The following ABTB3 variants were observed in gnomAD, a reference collection of about 807,000 sequenced individuals.
ABTB3 encodes the protein ankyrin repeat- and BTB/POZ domain-containing protein 3.
the ABTB3 span, among the ~76,000 whole-genome samples, chr12:107,494,681 C>T: frequency 6.6e-6 from 1 of 152,206 alleles, no homozygotes; most frequent in East Asian, 1.9e-4. Flanking sequence ...ATCTCCTCCA[C>T]TGCTCTGGAA....
chr12:107,319,989 C>T, the ABTB3 span: 1 of 1,583,496 alleles, frequency 6.3e-7, no homozygotes, highest in Non-Finnish European at 8.6e-7. Flanking sequence ...ACCGTGGAGA[C>T]CCTGGAGCAC....
chr12:107,535,726 A>G, the ABTB3 span, among the ~76,000 whole-genome samples: 1 of 152,174 alleles, frequency 6.6e-6, no homozygotes, highest in East Asian at 1.9e-4. Context: ...AGATCTCTAC[A>G]ATGAAAACTA....
the ABTB3 span, among the ~76,000 whole-genome samples, chr12:107,616,268 T>A: frequency 6.6e-6 from 1 of 152,126 alleles, no homozygotes; most frequent in Non-Finnish European, 1.5e-5. Flanking sequence ...CACACAGAAG[T>A]CAGGCAACCA....
chr12:107,395,318 C>T, the ABTB3 span, among the ~76,000 whole-genome samples: 8 of 152,180 alleles, frequency 5.3e-5, no homozygotes, highest in South Asian at 2.1e-4. Context: ...TCTGTCCATG[C>T]TGATCTTGGC....
At chr12:107,375,778 A>G in the ABTB3 span, among the ~76,000 whole-genome samples, 1 of 151,962 alleles carries the variant, frequency 6.6e-6, no homozygotes, top group Non-Finnish European at 1.5e-5. Flanking sequence ...CAGCTGGACA[A>G]TTGTTCTTTA....
chr12:107,524,203 T>C, the ABTB3 span, among the ~76,000 whole-genome samples: 1 of 152,184 alleles, frequency 6.6e-6, no homozygotes, highest in East Asian at 1.9e-4. Flanking sequence ...GCGAATGGGT[T>C]TTGTACATTC....
chr12:107,513,851 G>A, the ABTB3 span, among the ~76,000 whole-genome samples: 2 of 152,130 alleles, frequency 1.3e-5, no homozygotes. Flanking sequence ...GTTGGCCCAG[G>A]GTTCTGCCCA....
chr12:107,392,446 C>G, the ABTB3 span, among the ~76,000 whole-genome samples: 1 of 152,192 alleles, frequency 6.6e-6, no homozygotes, highest in African/African-American at 2.4e-5. Context: ...GCCTCTCCCT[C>G]CCTGCCTCTG....
the ABTB3 span, among the ~76,000 whole-genome samples, chr12:107,570,803 G>A: frequency 3.3e-5 from 5 of 152,060 alleles, no homozygotes; most frequent in South Asian, 2.1e-4. Flanking sequence ...CCTCCTACCA[G>A]TCCCTCTCCT....
the ABTB3 span, among the ~76,000 whole-genome samples, chr12:107,409,901 AAAG>A: frequency 2.0e-5 from 3 of 152,242 alleles, no homozygotes; most frequent in African/African-American, 4.8e-5. Context: ...CAAAAAAAGA[AAAG>A]AAAATACAGG....
At chr12:107,454,705 G>C in the ABTB3 span, among the ~76,000 whole-genome samples, 2 of 152,188 alleles carry the variant, frequency 1.3e-5, no homozygotes, top group Non-Finnish European at 2.9e-5. Context: ...GCAGCAGCAG[G>C]AGGTCTCTGC....
At chr12:107,345,098 G>T in the ABTB3 span, among the ~76,000 whole-genome samples, 3 of 152,148 alleles carry the variant, frequency 2.0e-5, no homozygotes, top group Non-Finnish European at 4.4e-5. Context: ...TTGCTCAGGA[G>T]GTTCTTCCTA....
At chr12:107,521,395 C>A in the ABTB3 span, among the ~76,000 whole-genome samples, 9 of 151,856 alleles carry the variant, frequency 5.9e-5, no homozygotes, top group African/African-American at 2.2e-4. Flanking sequence ...GCATGGAAAT[C>A]TTCCCTTCAT....
At chr12:107,497,637 T>G in the ABTB3 span, among the ~76,000 whole-genome samples, 1 of 152,180 alleles carries the variant, frequency 6.6e-6, no homozygotes, top group African/African-American at 2.4e-5. Context: ...CTAAGAAGGT[T>G]TTCAGTAATA....
chr12:107,463,329 G>C, the ABTB3 span, among the ~76,000 whole-genome samples: 137 of 151,890 alleles, frequency 9.0e-4, no homozygotes, highest in African/African-American at 3.2e-3. Context: ...TGAGGGTGAT[G>C]GTGGTTGATG....
chr12:107,625,752 C>A, the ABTB3 span, among the ~76,000 whole-genome samples: 23 of 151,736 alleles, frequency 1.5e-4, no homozygotes, highest in East Asian at 4.3e-3. Flanking sequence ...TCCACTGACA[C>A]CTGGGTGTCA....
At chr12:107,340,492 C>T in the ABTB3 span, among the ~76,000 whole-genome samples, 1 of 152,188 alleles carries the variant, frequency 6.6e-6, no homozygotes, top group Non-Finnish European at 1.5e-5. Flanking sequence ...TCCCCCTTCC[C>T]TGTGGATGGT....
chr12:107,439,190 T>A, the ABTB3 span, among the ~76,000 whole-genome samples: 1 of 152,170 alleles, frequency 6.6e-6, no homozygotes, highest in African/African-American at 2.4e-5. Context: ...ACTTCAGTTG[T>A]CTGCTTTTTT....
At chr12:107,367,154 G>A in the ABTB3 span, among the ~76,000 whole-genome samples, 31 of 152,250 alleles carry the variant, frequency 2.0e-4, no homozygotes, top group African/African-American at 7.0e-4. Context: ...TGCCTTCCCC[G>A]GATCACAGTG....
Sources: gnomAD v4.1 joint callset for allele counts (sites outside exome capture counted in the v4.1 genomes callset) on GRCh38, gnomAD v4.1.1 for gene constraint, MANE v1.5 for transcripts, NCBI Gene and HGNC (gene_info 2026-07-23, HGNC 2026-07-21) for gene names.